The following ADGRF5 variants were observed in gnomAD, a reference collection of about 807,000 sequenced individuals.
The protein encoded by ADGRF5 is G-protein coupled receptor 116.
A neutral mutation model predicts 132.3 loss-of-function variants in ADGRF5; 75 were observed. The ratio of observed to expected loss-of-function variants is 0.57; its 90% CI spans 0.47 to 0.69. The LOEUF is 0.69. Among genes scored for constraint, ADGRF5 ranks in the 30% least tolerant of loss-of-function variants. ADGRF5 has a pLI of 0.00. For missense variants in ADGRF5, 1,516 were observed against 1,630.6 expected (o/e 0.93, Z 1.21); for synonymous variants, 629 against 597.6 (o/e 1.05, Z -0.77).
intron 1 of ADGRF5, among the ~76,000 whole-genome samples, chr6:46,915,738 C>A (rs1186110675): frequency 1.3e-5 from 2 of 151,770 alleles, no homozygotes; most frequent in Admixed American, 1.3e-4. Context: ...TATCCCCCCA[C>A]CCCCAACCCC....
At chr6:46,906,893 A>G (rs1775433934) in intron 1 of ADGRF5, 107 bp from the exon 2 acceptor site, 16 of 666,704 alleles carry the variant, frequency 2.4e-5, no homozygotes, top group Non-Finnish European at 3.8e-5. Flanking sequence ...AGAACTTTTC[A>G]AAAGAGACAC....
At chr6:46,896,938 C>G (rs1774241322) in intron 3 of ADGRF5, among the ~76,000 whole-genome samples, 1 of 151,812 alleles carries the variant, frequency 6.6e-6, no homozygotes, top group African/African-American at 2.4e-5. Context: ...TAGAGATAAT[C>G]TAAAACATAT....
At chr6:46,924,819 T>C (rs905825733), upstream of ADGRF5, among the ~76,000 whole-genome samples, 5 of 152,222 alleles carry the variant, frequency 3.3e-5, no homozygotes, top group Non-Finnish European at 7.3e-5. Flanking sequence ...GAGTCCTACC[T>C]TGCACACTTT....
chr6:46,860,353 C>G (rs1316865894), intron 16 of ADGRF5, among the ~76,000 whole-genome samples: 1 of 152,198 alleles, frequency 6.6e-6, no homozygotes, highest in Non-Finnish European at 1.5e-5. Context: ...CTCTATGCTT[C>G]CAGAACCTAT....
chr6:46,898,176 C>T (rs145450210), intron 3 of ADGRF5, among the ~76,000 whole-genome samples: 48 of 152,314 alleles, frequency 3.2e-4, no homozygotes, highest in African/African-American at 1.0e-3. Flanking sequence ...GTTGTCACCA[C>T]GGGTCATAAA....
chr6:46,914,512 C>T (rs185887419), intron 1 of ADGRF5, among the ~76,000 whole-genome samples: 1 of 152,246 alleles, frequency 6.6e-6, no homozygotes, highest in East Asian at 1.9e-4. Context: ...AGCATTGTGT[C>T]AGGGCAGTTC....
At chr6:46,910,283 T>C (rs1775809331) in intron 1 of ADGRF5, among the ~76,000 whole-genome samples, 1 of 152,202 alleles carries the variant, frequency 6.6e-6, no homozygotes, top group African/African-American at 2.4e-5. Context: ...TGGTGGTTAT[T>C]AATTGGCTAT....
chr6:46,872,675 C>G (rs184008506), intron 10 of ADGRF5, among the ~76,000 whole-genome samples: 1 of 152,200 alleles, frequency 6.6e-6, no homozygotes, highest in African/African-American at 2.4e-5. Context: ...CTTTCCTTTC[C>G]CAGAAATACC....
chr6:46,940,367 C>T (rs1004474481), intron 1 of ADGRF5, among the ~76,000 whole-genome samples: 4 of 152,162 alleles, frequency 2.6e-5, no homozygotes, highest in African/African-American at 9.7e-5. Context: ...TTCTGGTAAG[C>T]AAAGGGGACA....
chr6:46,860,828 T>C lies in ADGRF5; in HGVS notation c.2266A>G (p.Ile756Val). Residue 756 changes from isoleucine (I) to valine (V), a missense_variant, in exon 16 of 21, where the codon ATA becomes GTA. By Grantham distance (29) the Ile-to-Val change is conservative. Coordinates refer to ENST00000283296, the MANE Select transcript of ADGRF5 (RefSeq NM_001098518.2). Reference protein sequence around the residue: ...PTYLKDLSISIDKAEHEISSS... With the variant: ...PTYLKDLSISVDKAEHEISSS... ...CTGATTTCATGTTCCGCTTTGTCTA[T>C]GCTAATAGAAAGATCCTTCAGGTAT... is the stretch of plus-strand genomic sequence containing the variant. The C allele has an allele frequency of 6.2e-7, 1 of 1,613,830 alleles. No individual in the cohort carries two copies. The highest frequency in any genetic ancestry group is 1.3e-5 in the African/African-American group (1 of 75,056).
chr6:46,881,773 A>G (rs576331029), intron 7 of ADGRF5, among the ~76,000 whole-genome samples, 176 bp from the exon 8 acceptor site: 31 of 152,322 alleles, frequency 2.0e-4, no homozygotes, highest in Non-Finnish European at 4.3e-4. Context: ...GCATGGCATT[A>G]TTTCATTTTT....
chr6:46,880,944 A>T (rs1004146944), intron 8 of ADGRF5, among the ~76,000 whole-genome samples: 8 of 152,080 alleles, frequency 5.3e-5, no homozygotes, highest in Admixed American at 2.0e-4. Context: ...TAATAAAAAA[A>T]AAAATGTTAG....
chr6:46,895,770 C>T (rs1774119995), intron 3 of ADGRF5, among the ~76,000 whole-genome samples: 1 of 151,574 alleles, frequency 6.6e-6, no homozygotes, highest in Non-Finnish European at 1.5e-5. Context: ...AGAACTTGGC[C>T]AGTTGATATT....
At chr6:46,914,431 T>A (rs947818457) in intron 1 of ADGRF5, among the ~76,000 whole-genome samples, 4 of 152,176 alleles carry the variant, frequency 2.6e-5, no homozygotes, top group Non-Finnish European at 5.9e-5. Context: ...ACAATAACAA[T>A]TAAAGAACTG....
At chr6:46,899,011 A>G (rs1340476887) in intron 3 of ADGRF5, among the ~76,000 whole-genome samples, 1 of 152,156 alleles carries the variant, frequency 6.6e-6, no homozygotes, top group Non-Finnish European at 1.5e-5. Flanking sequence ...GCTCTCCTCT[A>G]CTGGGGGTGG....
At chr6:46,855,341 T>C (rs1768923260) in intron 20 of ADGRF5, among the ~76,000 whole-genome samples, 1 of 152,216 alleles carries the variant, frequency 6.6e-6, no homozygotes, top group South Asian at 2.1e-4. Context: ...AAGCACTTTA[T>C]GTATATTTGC....
chr6:46,882,246 CAT>C, intron 6 of ADGRF5, 139 bp from the exon 7 acceptor site: 1 of 720,244 alleles, frequency 1.4e-6, no homozygotes, highest in Non-Finnish European at 2.5e-6. Flanking sequence ...TAACTGTGGG[CAT>C]TAGATTTCTG....
chr6:46,910,001 A>C (rs1460547153), intron 1 of ADGRF5, among the ~76,000 whole-genome samples: 1 of 132,930 alleles, frequency 7.5e-6, no homozygotes, highest in Non-Finnish European at 1.7e-5. Flanking sequence ...GCAAGACCCT[A>C]TCTCTCAATA....
intron 1 of ADGRF5, among the ~76,000 whole-genome samples, chr6:46,945,718 T>G (rs1778278436): frequency 6.6e-6 from 1 of 152,218 alleles, no homozygotes; most frequent in African/African-American, 2.4e-5. Flanking sequence ...ACAAATGTAT[T>G]AGTCTGTTAT....
Sources: gnomAD v4.1 joint callset for allele counts (sites outside exome capture counted in the v4.1 genomes callset) on GRCh38, gnomAD v4.1.1 for gene constraint, MANE v1.5 for transcripts, NCBI Gene and HGNC (gene_info 2026-07-23, HGNC 2026-07-21) for gene names.